PLEKHH2: variants seen among roughly 807,000 people sequenced by gnomAD.
The protein encoded by PLEKHH2 is pleckstrin homology domain-containing family H member 2.
A neutral mutation model predicts 187.9 loss-of-function variants in PLEKHH2; 129 were observed. The observed-to-expected ratio is 0.69, with a 90% CI of 0.59 to 0.79. The LOEUF is 0.79. Ranked by LOEUF, PLEKHH2 falls within the 30% of genes least tolerant of loss-of-function variation. The probability of loss-of-function intolerance (pLI) is 0.00; values close to 1 mark genes in which losing one functional copy is unlikely to be tolerated. For synonymous variants in PLEKHH2, 686 were observed against 605.6 expected (o/e 1.13, Z -1.95); for missense variants, 2,076 against 1,751.2 (o/e 1.19, Z -3.31).
In PLEKHH2 at chr2:43,644,685, T is replaced by C. The variant is rs1239214884; in HGVS notation, c.12T>C (p.Leu4=). 15 of 1,591,880 alleles carry C rather than the reference T, an allele frequency of 9.4e-6. No homozygotes were observed. Among genetic ancestry groups the C allele is most frequent in the Non-Finnish European group, 1.3e-5 (15 of 1,168,690 alleles). Residue 4 remains leucine, a synonymous_variant, in exon 2 of 30, where the codon CTT becomes CTC. Coordinates refer to ENST00000282406, the MANE Select transcript of PLEKHH2 (RefSeq NM_172069.4). MAE[L]SEPEGPVDWK... ...AATTTTTTTAGAATATGGCAGAGCT[T>C]TCTGAGCCAGAGGGACCAGTAGATT...
chr2:43,684,175 C>T (rs1214399990), intron 3 of PLEKHH2, among the ~76,000 whole-genome samples: 1 of 151,784 alleles, frequency 6.6e-6, no homozygotes, highest in Non-Finnish European at 1.5e-5. Flanking sequence ...TACTCCCCTT[C>T]CTTTTCCTTC....
At chr2:43,754,369 G>A (rs1364589694) in intron 25 of PLEKHH2, among the ~76,000 whole-genome samples, 1 of 150,734 alleles carries the variant, frequency 6.6e-6, no homozygotes, top group African/African-American at 2.5e-5. Context: ...GTCTGCCAGA[G>A]TGCCAGCTAA....
intron 3 of PLEKHH2, among the ~76,000 whole-genome samples, chr2:43,687,250 GT>G (rs1668568218): frequency 6.6e-6 from 1 of 152,136 alleles, no homozygotes; most frequent in African/African-American, 2.4e-5. Flanking sequence ...GTGGTATTTA[GT>G]TTTCAGTTCC....
intron 16 of PLEKHH2, among the ~76,000 whole-genome samples, chr2:43,723,987 T>C (rs940725168): frequency 6.6e-6 from 1 of 152,174 alleles, no homozygotes; most frequent in African/African-American, 2.4e-5. Context: ...CTGAAAGTCT[T>C]GTTGACAGGA....
intron 2 of PLEKHH2, among the ~76,000 whole-genome samples, chr2:43,668,631 T>C (rs1371727615): frequency 6.6e-6 from 1 of 152,146 alleles, no homozygotes; most frequent in Non-Finnish European, 1.5e-5. Flanking sequence ...TTCTGGAAGG[T>C]TCTCTAAAGT....
chr2:43,652,302 TC>T (rs1303671693), intron 2 of PLEKHH2, among the ~76,000 whole-genome samples: 3 of 152,206 alleles, frequency 2.0e-5, no homozygotes, highest in Non-Finnish European at 4.4e-5. Flanking sequence ...TTTCAGTCTT[TC>T]ATGTCACTCC....
chr2:43,754,167 C>G (rs1377670983), intron 25 of PLEKHH2, among the ~76,000 whole-genome samples: 3 of 47,328 alleles, frequency 6.3e-5, no homozygotes, highest in African/African-American at 4.9e-4. Context: ...CAATCTTCTA[C>G]ACACACACAC....
chr2:43,758,781 G>T, intron 26 of PLEKHH2, 119 bp from the exon 27 acceptor site: 1 of 784,970 alleles, frequency 1.3e-6, no homozygotes, highest in Non-Finnish European at 1.9e-6. Flanking sequence ...CCTGGGTTAT[G>T]CCTAGGGATC....
chr2:43,699,531 C>T lies in PLEKHH2; in HGVS notation c.689-116C>T. On this transcript the variant is annotated intron_variant, in intron 7 of 29. Transcript: ENST00000282406. ...TAGCTGGGACTACAGGTACACACCA[C>T]TGCACCCAGCAAATTTCTACAGTGT... is the stretch of plus-strand genomic sequence containing the variant. 3 of 1,282,516 alleles carry T rather than the reference C, an allele frequency of 2.3e-6. 1 individual carries two copies. The highest frequency in any genetic ancestry group is 3.2e-6 in the Non-Finnish European group (3 of 925,406). 79.4% of individuals were successfully genotyped at this position (1,282,516 alleles called of 1,614,324 possible). A position where few individuals can be genotyped will look rare whatever the true frequency, so the allele number is the denominator to read the frequency against.
rs1381039937 is a variant in PLEKHH2 at position 43,664,069 on chromosome 2, G to A, written c.124-14794G>A. 4.1e-5 allele frequency among the ~76,000 whole-genome samples: 2 copies of A among 48,814 alleles called. 1 individual carries two copies. Among genetic ancestry groups the A allele is most frequent in the Non-Finnish European group, 8.7e-5 (2 of 23,000 alleles). The allele number at this position is 48,814 out of a possible 152,430, so 32.0% of individuals were successfully genotyped here. On this transcript the variant is annotated intron_variant, in intron 2 of 29. Transcript: ENST00000282406. ...CATTGATCTGTCTAATGTTGACAGT[G>A]GGGTGTTAAAGTCTCCCATTATTAA...
intron 8 of PLEKHH2, among the ~76,000 whole-genome samples, chr2:43,701,242 A>G (rs557009004): frequency 6.6e-6 from 1 of 152,360 alleles, no homozygotes; most frequent in African/African-American, 2.4e-5. Context: ...TCTAAAACTT[A>G]CTACCTCAAA....
At chr2:43,741,940 G>T (rs17031365) in intron 21 of PLEKHH2, among the ~76,000 whole-genome samples, 31,095 of 152,042 alleles carry the variant, frequency 0.2, 3,404 homozygotes, top group Admixed American at 0.3. Flanking sequence ...ATGCTTAACA[G>T]TTTTTCACAA....
chr2:43,668,936 G>A (rs886187644), intron 2 of PLEKHH2, among the ~76,000 whole-genome samples: 3 of 152,218 alleles, frequency 2.0e-5, no homozygotes, highest in Admixed American at 2.0e-4. Flanking sequence ...AAAGGTGGGG[G>A]AAGGGAAAAG....
At chr2:43,736,966 A>G (rs1183693168) in intron 19 of PLEKHH2, among the ~76,000 whole-genome samples, 1 of 152,174 alleles carries the variant, frequency 6.6e-6, no homozygotes, top group African/African-American at 2.4e-5. Context: ...TGAGGACAGA[A>G]AGACACAGGC....
chr2:43,648,175 G>T (rs535042122), intron 2 of PLEKHH2, among the ~76,000 whole-genome samples: 13 of 151,792 alleles, frequency 8.6e-5, no homozygotes, highest in East Asian at 3.9e-4. Flanking sequence ...TGTCTTTCTG[G>T]TTTTTTTTGT....
intron 2 of PLEKHH2, among the ~76,000 whole-genome samples, chr2:43,645,919 A>C (rs1354969385): frequency 1.3e-5 from 2 of 152,130 alleles, no homozygotes; most frequent in African/African-American, 2.4e-5. Flanking sequence ...TCATATCTCC[A>C]AAAAAGGTAT....
chr2:43,731,723 A>C, intron 19 of PLEKHH2, 121 bp downstream of exon 19: 1 of 621,612 alleles, frequency 1.6e-6, no homozygotes, highest in Non-Finnish European at 2.7e-6. Flanking sequence ...AAAATTCAAA[A>C]TGTGTTTATT....
At chr2:43,701,767 ATTT>A (rs34664734) in intron 8 of PLEKHH2, among the ~76,000 whole-genome samples, 1 of 130,942 alleles carries the variant, frequency 7.6e-6, no homozygotes. Context: ...TTTAATTTTA[ATTT>A]TTTTTTTTTT....
chr2:43,709,835 A>G (rs9679009), intron 11 of PLEKHH2, among the ~76,000 whole-genome samples, 155 bp from the exon 12 acceptor site: 92,976 of 152,006 alleles, frequency 0.61, 29,796 homozygotes, highest in African/African-American at 0.79. Context: ...ACTCTGTCTC[A>G]AAAAAAGTTA....
Sources: gnomAD v4.1 joint callset for allele counts (sites outside exome capture counted in the v4.1 genomes callset) on GRCh38, gnomAD v4.1.1 for gene constraint, MANE v1.5 for transcripts, NCBI Gene and HGNC (gene_info 2026-07-23, HGNC 2026-07-21) for gene names.